The following PPARGC1A variants were observed in gnomAD, a reference collection of about 807,000 sequenced individuals.
PPARGC1A encodes the protein peroxisome proliferator-activated receptor gamma coactivator 1-alpha.
Under a neutral mutation model 88.7 loss-of-function variants are expected in PPARGC1A, and 25 were observed. That is an observed-to-expected ratio of 0.28 (90% confidence interval 0.21 to 0.39). The LOEUF is 0.39. Among genes scored for constraint, PPARGC1A ranks in the 10% least tolerant of loss-of-function variants. The pLI is 1.00. For synonymous variants in PPARGC1A, 363 were observed against 355.6 expected, an observed-to-expected ratio of 1.02 and a Z score of -0.24; for missense variants, 880 against 968.7, an observed-to-expected ratio of 0.91 and a Z score of 1.22.
rs1424090469 is a variant in PPARGC1A at position 23,801,768 on chromosome 4, C to T, written c.2255G>A (p.Gly752Glu). Residue 752 changes from glycine (G) to glutamate (E), a missense_variant, in exon 12 of 13, where the codon GGA becomes GAA. Transcript: ENST00000264867. ...GTTAGACTTGAAAAATTGCTTGCGT[C>T]CACAAAAGTACAGCTCAAAGTCAGT... ...NETDFELYFC[G>E]RKQFFKSNYA... 1 of 1,613,876 alleles carries T rather than the reference C, an allele frequency of 6.2e-7. No individual in the cohort carries two copies. The highest frequency in any genetic ancestry group is 1.3e-5 in the African/African-American group (1 of 74,914).
the PPARGC1A span, among the ~76,000 whole-genome samples, chr4:24,260,409 T>C: frequency 6.6e-6 from 1 of 152,186 alleles, no homozygotes; most frequent in African/African-American, 2.4e-5. Flanking sequence ...TAAACAGATT[T>C]CTTGTTTACT....
the PPARGC1A span, among the ~76,000 whole-genome samples, chr4:24,321,944 C>T: frequency 3.3e-5 from 5 of 152,148 alleles, no homozygotes; most frequent in Non-Finnish European, 5.9e-5. Flanking sequence ...CCGAAGTGCT[C>T]AAATCAAAAA....
At chr4:24,325,725 G>A in the PPARGC1A span, among the ~76,000 whole-genome samples, 2 of 152,154 alleles carry the variant, frequency 1.3e-5, no homozygotes, top group Non-Finnish European at 2.9e-5. Context: ...CACAGATGCC[G>A]AGCTTTGAGT....
the PPARGC1A span, among the ~76,000 whole-genome samples, chr4:24,395,571 A>C: frequency 6.6e-6 from 1 of 152,214 alleles, no homozygotes; most frequent in East Asian, 1.9e-4. Flanking sequence ...CATTCTGAAG[A>C]CAAAATGTGG....
At chr4:24,066,849 G>GTTTTTTTTTTTTTT in the PPARGC1A span, among the ~76,000 whole-genome samples, 16 of 100,864 alleles carry the variant, frequency 1.6e-4, no homozygotes, top group Non-Finnish European at 2.3e-4. Flanking sequence ...TTTGTTTTGG[G>GTTTTTTTTTTTTTT]TTTTTTTTTT....
intron 7 of PPARGC1A, among the ~76,000 whole-genome samples, chr4:23,821,514 A>G (rs918804486): frequency 6.6e-6 from 1 of 152,052 alleles, no homozygotes; most frequent in Non-Finnish European, 1.5e-5. Flanking sequence ...AAATAACTTC[A>G]TATATGAGAT....
At chr4:23,908,212 AT>A (rs1218857512), upstream of PPARGC1A, among the ~76,000 whole-genome samples, 12 of 152,342 alleles carry the variant, frequency 7.9e-5, no homozygotes, top group Middle Eastern at 0.01. Context: ...CTCTTTAGGT[AT>A]TTATAAGCAA....
the PPARGC1A span, among the ~76,000 whole-genome samples, chr4:23,926,424 T>C: frequency 6.6e-6 from 1 of 152,174 alleles, no homozygotes; most frequent in Non-Finnish European, 1.5e-5. Flanking sequence ...TTCCTTTCCA[T>C]TCCATGATGA....
chr4:23,813,092 T>C lies in PPARGC1A; in HGVS notation c.1827A>G (p.Arg609=), dbSNP rs1184217799. 2 of 1,613,918 alleles carry C rather than the reference T, an allele frequency of 1.2e-6. No homozygotes were observed. Among genetic ancestry groups the C allele is most frequent in the Non-Finnish European group, 1.7e-6 (2 of 1,179,968 alleles). The change falls in exon 9 of 13, where the codon AGA becomes AGG. Residue 609 remains arginine (R), a synonymous_variant. Transcript: ENST00000264867. ...SCYYYESSHY[R]HRTHRNSPLY... ...AGGGAGAATTTCGGTGCGTGCGGTGTCTGTAGTGGCTTGACTCATAGTAAT... is the reference window on the plus strand; with the variant it reads ...AGGGAGAATTTCGGTGCGTGCGGTGCCTGTAGTGGCTTGACTCATAGTAAT...
rs150734129 is a variant in PPARGC1A, at chr4:23,844,013, ATAT to A, written c.235-12265_235-12263del. Among the ~76,000 whole-genome samples the A allele has an allele frequency of 8.9e-3, 1,351 of 151,788 alleles. 11 individuals are homozygous for A. Among genetic ancestry groups the A allele is most frequent in the African/African-American group, 0.028 (1,178 of 41,464 alleles). ...TGCATATTTATGTGCGTATTTACAA[ATAT>A]TATATATATATCTTTATTTACACAT... On this transcript the variant is annotated intron_variant, in intron 2 of 12. Coordinates refer to ENST00000264867, the MANE Select transcript of PPARGC1A (RefSeq NM_013261.5).
At position 23,889,950 on chromosome 4, in the gene PPARGC1A, CACGCCATCCAGCTCCTGAATG is replaced by C. The variant is rs1316343859; in HGVS notation, c.-14_7del. 1 of 1,613,758 alleles carries C rather than the reference CACGCCATCCAGCTCCTGAATG, an allele frequency of 6.2e-7. No homozygotes were observed. Among genetic ancestry groups the C allele is most frequent in the Non-Finnish European group, 8.5e-7 (1 of 1,179,846 alleles). The stretch of plus-strand genomic sequence containing the variant: ...CTCAGAGTCCTGGTTGCACATGTCC[CACGCCATCCAGCTCCTGAATG>C]ACGCCAGTCAAGCTTTTTCAACTCC... On this transcript the variant is annotated start_lost and 5_prime_UTR_variant, in exon 1 of 13. Coordinates refer to ENST00000264867, the MANE Select transcript of PPARGC1A (RefSeq NM_013261.5).
chr4:24,049,443 G>C, the PPARGC1A span, among the ~76,000 whole-genome samples: 1 of 151,314 alleles, frequency 6.6e-6, no homozygotes, highest in East Asian at 1.9e-4. Context: ...GAATAGAATG[G>C]AGGGATAAGT....
At chr4:24,165,479 G>A in the PPARGC1A span, among the ~76,000 whole-genome samples, 1 of 152,018 alleles carries the variant, frequency 6.6e-6, no homozygotes, top group Non-Finnish European at 1.5e-5. Context: ...TTGTTTTATT[G>A]TGCTTTGCTT....
chr4:24,051,028 G>A, the PPARGC1A span, among the ~76,000 whole-genome samples: 10 of 151,168 alleles, frequency 6.6e-5, no homozygotes, highest in Middle Eastern at 6.8e-3. Flanking sequence ...TCTACTAAAA[G>A]TACAAAAAAA....
At chr4:24,068,523 T>C in the PPARGC1A span, among the ~76,000 whole-genome samples, 10 of 152,112 alleles carry the variant, frequency 6.6e-5, no homozygotes, top group African/African-American at 1.9e-4. Flanking sequence ...TGGAGCATAG[T>C]AGGGGATGAG....
chr4:23,799,297 C>T (rs1718211639), intron 12 of PPARGC1A, among the ~76,000 whole-genome samples: 1 of 150,912 alleles, frequency 6.6e-6, no homozygotes, highest in African/African-American at 2.4e-5. Context: ...ACACTTCTAA[C>T]TTCTCATTCC....
At chr4:23,935,949 T>A in the PPARGC1A span, among the ~76,000 whole-genome samples, 1 of 152,326 alleles carries the variant, frequency 6.6e-6, no homozygotes, top group South Asian at 2.1e-4. Context: ...ACATGTATTT[T>A]TTTCAAGAAG....
At chr4:23,936,160 G>T in the PPARGC1A span, among the ~76,000 whole-genome samples, 1 of 152,032 alleles carries the variant, frequency 6.6e-6, no homozygotes, top group African/African-American at 2.4e-5. Context: ...AATGATTGGC[G>T]AATCAATACA....
chr4:24,033,718 G>A, the PPARGC1A span, among the ~76,000 whole-genome samples: 3 of 152,082 alleles, frequency 2.0e-5, no homozygotes, highest in Admixed American at 6.6e-5. Context: ...AGGGAAAAAG[G>A]GACATGTACA....
Sources: allele counts gnomAD v4.1 joint callset (sites outside exome capture counted in the v4.1 genomes callset), GRCh38; gene constraint gnomAD v4.1.1; transcripts MANE v1.5; gene names NCBI Gene and HGNC (gene_info 2026-07-23, HGNC 2026-07-21).